Variants in DDX23 observed in about 807,000 individuals in gnomAD.
The protein encoded by DDX23 is DEAD-box helicase 23, also known as probable ATP-dependent RNA helicase DDX23.
A neutral mutation model predicts 102.7 loss-of-function variants in DDX23; 33 were observed. The ratio of observed to expected loss-of-function variants is 0.32; its 90% confidence interval spans 0.24 to 0.43. The LOEUF is 0.43. Ranked by LOEUF, DDX23 falls within the 20% of genes least tolerant of loss-of-function variation. The pLI is 1.00. For missense variants in DDX23, 549 were observed against 1,086.6 expected (o/e 0.51, Z 6.96); for synonymous variants, 352 against 376.0 (o/e 0.94, Z 0.74).
chr12:48,844,222 T>C (rs1046348620), intron 2 of DDX23, among the ~76,000 whole-genome samples, 172 bp from the exon 3 acceptor site: 7 of 152,328 alleles, frequency 4.6e-5, no homozygotes, highest in Admixed American at 3.3e-4. Flanking sequence ...AGATCAGAGA[T>C]GTACTGTTAA....
At chr12:48,846,058 G>C (rs1027013208) in intron 1 of DDX23, among the ~76,000 whole-genome samples, 6 of 152,164 alleles carry the variant, frequency 3.9e-5, no homozygotes, top group Non-Finnish European at 8.8e-5. Context: ...ACCCAGGCTG[G>C]AGTGCAGTGG....
In DDX23 at chr12:48,832,336, T is replaced by A. The variant is rs182479662; in HGVS notation, c.1955+86A>T. 13 of 1,568,372 alleles carry A rather than the reference T, an allele frequency of 8.3e-6. No homozygotes were observed. In the South Asian group the frequency reaches 1.4e-4, roughly 17 times the overall value. ...GCAGCTCTTCAACACAGCAGAGCAA[T>A]TGCCCTGCCCTGCACCTGCACTAAA... On this transcript the variant is annotated intron_variant, in intron 14 of 16. Transcript: ENST00000308025. This position sits in a 1 kb window ranked among gnomAD's most constrained non-coding sequence, Gnocchi z 4.4.
chr12:48,849,137 C>T (rs114342668), intron 1 of DDX23, among the ~76,000 whole-genome samples: 2,096 of 152,130 alleles, frequency 0.014, 47 homozygotes, highest in African/African-American at 0.048. Flanking sequence ...AGGGATCCTT[C>T]GGCCTCAGCC....
At chr12:48,845,099 C>T (rs1938641975) in intron 2 of DDX23, among the ~76,000 whole-genome samples, 1 of 149,682 alleles carries the variant, frequency 6.7e-6, no homozygotes. Flanking sequence ...TTGCAGTGAG[C>T]CGAGATCGTG....
In DDX23 at chr12:48,836,064, C is replaced by A; in HGVS notation, c.1382+57G>T. Reference sequence around the variant, plus strand: ...AAACAAAAATCAAACATTCATTTGCCACTTTCACCTTTCCTACCCAGACAA... The same window carrying A: ...AAACAAAAATCAAACATTCATTTGCAACTTTCACCTTTCCTACCCAGACAA... On this transcript the variant is annotated intron_variant, in intron 11 of 16. Coordinates refer to ENST00000308025, the MANE Select transcript of DDX23 (RefSeq NM_004818.3). The surrounding 1 kb of genome is among the most constrained non-coding windows in gnomAD (Gnocchi z 6.1). 6 of 1,574,850 alleles carry A rather than the reference C, an allele frequency of 3.8e-6. No homozygotes were observed. Among genetic ancestry groups the A allele is most frequent in the Non-Finnish European group, 5.2e-6 (6 of 1,151,782 alleles).
chr12:48,840,570 T>A (rs1256593696), intron 3 of DDX23, among the ~76,000 whole-genome samples: 1 of 129,654 alleles, frequency 7.7e-6, no homozygotes, highest in East Asian at 2.4e-4. Context: ...TTTTTTTTTT[T>A]GAGACACAGT....
At chr12:48,833,227 C>A in intron 13 of DDX23, 50 bp downstream of exon 13, 2 of 1,605,550 alleles carry the variant, frequency 1.2e-6, no homozygotes, top group South Asian at 1.1e-5. Flanking sequence ...TCAAGTGATC[C>A]ACCCGCCTTG....
chr12:48,846,673 T>C (rs1219097396), intron 1 of DDX23, among the ~76,000 whole-genome samples: 1 of 152,256 alleles, frequency 6.6e-6, no homozygotes, highest in Non-Finnish European at 1.5e-5. Flanking sequence ...ACACATTTTT[T>C]AACTTCCTGT....
chr12:48,841,750 C>G (rs1420453007), intron 3 of DDX23, among the ~76,000 whole-genome samples: 29 of 152,352 alleles, frequency 1.9e-4, no homozygotes, highest in Admixed American at 1.6e-3. Flanking sequence ...CACGGAGTCG[C>G]GTTCACTCAG....
At chr12:48,831,022 C>T in intron 16 of DDX23, 120 bp downstream of exon 16, 6 of 1,199,062 alleles carry the variant, frequency 5.0e-6, no homozygotes, top group Non-Finnish European at 7.2e-6. Flanking sequence ...GCAAGCAATC[C>T]CAGACTTGGA....
chr12:48,838,550 T>C (rs1289646581), intron 5 of DDX23, among the ~76,000 whole-genome samples: 1 of 135,792 alleles, frequency 7.4e-6, no homozygotes, highest in Non-Finnish European at 1.6e-5. Context: ...ACCTTACCTT[T>C]AAAAAAAAAA....
At chr12:48,850,589 G>A (rs552524716) in intron 1 of DDX23, among the ~76,000 whole-genome samples, 31 of 152,200 alleles carry the variant, frequency 2.0e-4, no homozygotes, top group Non-Finnish European at 4.3e-4. Context: ...AAAAAAAATA[G>A]AGAAGAAGCT....
At position 48,844,155 on chromosome 12, in the gene DDX23, C is replaced by T; in HGVS notation, c.210-105G>A. The T allele has an allele frequency of 2.9e-6, 3 of 1,033,388 alleles. 1 individual carries two copies. The Admixed American group carries it at 5.3e-5, about 18-fold the overall frequency. 64.0% of individuals were successfully genotyped at this position (1,033,388 alleles called of 1,614,324 possible). A position where few individuals can be genotyped will look rare whatever the true frequency, so the allele number is the denominator to read the frequency against. On this transcript the variant is annotated intron_variant, in intron 2 of 16. Transcript: ENST00000308025. ...ACTCTCGTCCCAAAGTAATGTTTTA[C>T]AAATTAGAGAATGTATCTCTCACGG...
In DDX23 at chr12:48,837,050, T is replaced by C. The variant is rs367687752; in HGVS notation, c.867-13A>G. ...CCGTTCTTTGTACCTGGGATTGAGA[T>C]AGAGGAAAAGAAAAAAGAAGGAGCT... On this transcript the variant is annotated splice_polypyrimidine_tract_variant and intron_variant, in intron 8 of 16. Transcript: ENST00000308025. 7 of 1,613,358 alleles carry C rather than the reference T, an allele frequency of 4.3e-6. No individual in the cohort carries two copies. Among genetic ancestry groups the C allele is most frequent in the Non-Finnish European group, 5.9e-6 (7 of 1,179,894 alleles).
rs776302398 is a variant in DDX23 at position 48,832,401 on chromosome 12, C to T, written c.1955+21G>A. The T allele has an allele frequency of 1.2e-6, 2 of 1,608,460 alleles. No individual in the cohort carries two copies. The highest frequency in any genetic ancestry group is 1.7e-6 in the Non-Finnish European group (2 of 1,175,378). On this transcript the variant is annotated intron_variant, in intron 14 of 16. Coordinates refer to ENST00000308025, the MANE Select transcript of DDX23 (RefSeq NM_004818.3). The surrounding 1 kb of genome is among the most constrained non-coding windows in gnomAD (Gnocchi z 4.4). ...CATTTTATTCTCCACCCTGTTTCCC[C>T]TGGCTCAGCTGCCCTCATACCTCTT...
chr12:48,838,087 AAG>A lies in DDX23; in HGVS notation c.481-9_481-8del. On this transcript the variant is annotated splice_region_variant and splice_polypyrimidine_tract_variant and intron_variant, in intron 5 of 16. Coordinates refer to ENST00000308025, the MANE Select transcript of DDX23 (RefSeq NM_004818.3). ...CTTTAGAGAGGAACTTGGGCTACAAAAGAGATTGGAACTGTCAACAAAGGATC... is the reference window on the plus strand; with the variant it reads ...CTTTAGAGAGGAACTTGGGCTACAAAAGATTGGAACTGTCAACAAAGGATC... 2 of 1,614,094 alleles carry A rather than the reference AAG, an allele frequency of 1.2e-6. No individual in the cohort carries two copies. Among genetic ancestry groups the A allele is most frequent in the Non-Finnish European group, 1.7e-6 (2 of 1,180,010 alleles).
At chr12:48,831,893 G>C (rs1938393180) in intron 15 of DDX23, 185 bp downstream of exon 15, 3 of 607,744 alleles carry the variant, frequency 4.9e-6, no homozygotes, top group South Asian at 2.1e-5. Context: ...AGCAGACAGG[G>C]GGTCCCAGCA....
intron 1 of DDX23, among the ~76,000 whole-genome samples, chr12:48,847,594 C>G (rs1208016860): frequency 1.3e-5 from 2 of 151,802 alleles, no homozygotes; most frequent in Non-Finnish European, 2.9e-5. Context: ...CTTTGGGAGG[C>G]TGAGGTGGGT....
chr12:48,833,299 G>A lies in DDX23; in HGVS notation c.1781C>T (p.Ser594Leu), dbSNP rs1373751411. Residue 594 changes from serine (S) to leucine (L), a missense_variant, in exon 13 of 17, where the codon TCG becomes TTG. By Grantham distance (145) the Ser-to-Leu change is moderately radical. Around this residue, in one of 4 missense-constraint regions of DDX23, gnomAD observed 270 missense variants for 707.0 expected, o/e 0.38. Transcript: ENST00000308025. ...DPEKMLANFE[S>L]GKHKYRQTVM... Reference sequence around the variant, plus strand: ...TACTTGGCGGTACTTATGTTTTCCCGACTCAAAGTTGGCCAGCATCTTCTC... The same window carrying A: ...TACTTGGCGGTACTTATGTTTTCCCAACTCAAAGTTGGCCAGCATCTTCTC... 19 of 1,613,960 alleles carry A rather than the reference G, an allele frequency of 1.2e-5. No homozygotes were observed. The highest frequency in any genetic ancestry group is 2.7e-5 in the African/African-American group (2 of 74,892).
Sources: allele counts gnomAD v4.1 joint callset (sites outside exome capture counted in the v4.1 genomes callset), GRCh38; gene constraint gnomAD v4.1.1; regional missense constraint gnomAD v4.1.1; non-coding constraint Gnocchi (gnomAD v3.1); transcripts MANE v1.5; gene names NCBI Gene and HGNC (gene_info 2026-07-23, HGNC 2026-07-21).